The following MARCHF1 variants were observed in gnomAD, a reference collection of about 807,000 sequenced individuals.
MARCHF1 encodes E3 ubiquitin-protein ligase MARCHF1.
MARCHF1 carries 40 observed loss-of-function variants against 54.2 expected under a neutral mutation model. The observed-to-expected ratio is 0.74, with a 90% confidence interval of 0.57 to 0.96. The LOEUF (loss-of-function observed/expected upper bound fraction) is 0.96. MARCHF1 is among the 40% of genes least tolerant of loss of function. The probability of loss-of-function intolerance (pLI) is 0.00; values close to 1 mark genes in which losing one functional copy is unlikely to be tolerated. For missense variants in MARCHF1, 586 were observed against 656.5 expected, an observed-to-expected ratio of 0.89 and a Z score of 1.17; for synonymous variants, 236 against 236.3, an observed-to-expected ratio of 1.00 and a Z score of 0.01.
chr4:163,675,131 A>G (rs1290791950), intron 5 of MARCHF1, among the ~76,000 whole-genome samples: 1 of 152,236 alleles, frequency 6.6e-6, no homozygotes, highest in African/African-American at 2.4e-5. Context: ...GACAATGAGA[A>G]TATTCCAAAT....
Position 163,574,834 on chromosome 4 carries a change from T to A in MARCHF1, c.1191+10915A>T, listed in dbSNP as rs377256469. 3.1e-4 allele frequency among the ~76,000 whole-genome samples: 47 copies of A among 151,858 alleles called. 1 individual carries two copies. The East Asian group carries it at 9.0e-3, about 29-fold the overall frequency. On this transcript the variant is annotated intron_variant, in intron 8 of 9. Transcript: ENST00000514618. ...GTTCCATATGAACTTTAAAGTAGTT[T>A]TTTCCAATTCTGTGAAGAAAGTCAT...
intron 5 of MARCHF1, among the ~76,000 whole-genome samples, chr4:163,634,506 C>T (rs4593084): frequency 0.98 from 144,432 of 147,534 alleles, 70,713 homozygotes; most frequent in East Asian, 1. Flanking sequence ...AAGAAGGCCA[C>T]TACATAATGG....
intron 1 of MARCHF1, among the ~76,000 whole-genome samples, chr4:164,381,694 A>G (rs1731374904): frequency 6.6e-6 from 1 of 152,198 alleles, no homozygotes; most frequent in Admixed American, 6.5e-5. Flanking sequence ...ACACCCCATC[A>G]TGTAAGCACG....
intron 1 of MARCHF1, among the ~76,000 whole-genome samples, chr4:164,378,746 C>G (rs914430872): frequency 5.9e-5 from 9 of 152,200 alleles, no homozygotes; most frequent in Non-Finnish European, 1.2e-4. Flanking sequence ...GAGTCTCACT[C>G]TGTCACCGAG....
chr4:163,976,507 C>A (rs955985129), intron 3 of MARCHF1, among the ~76,000 whole-genome samples: 1 of 152,164 alleles, frequency 6.6e-6, no homozygotes, highest in Non-Finnish European at 1.5e-5. Flanking sequence ...TTTGACCCAA[C>A]TTCCATCAAA....
At chr4:164,265,403 T>C (rs536999400) in intron 1 of MARCHF1, among the ~76,000 whole-genome samples, 25 of 151,922 alleles carry the variant, frequency 1.6e-4, no homozygotes, top group African/African-American at 6.0e-4. Flanking sequence ...TAAGAAATTC[T>C]GCCAGTTTGG....
At chr4:163,744,087 C>A (rs1746287772) in intron 4 of MARCHF1, among the ~76,000 whole-genome samples, 1 of 152,140 alleles carries the variant, frequency 6.6e-6, no homozygotes, top group Admixed American at 6.5e-5. Flanking sequence ...AGTTTCTATT[C>A]CATTAGCAGG....
At chr4:164,249,396 A>C (rs1733057037) in intron 1 of MARCHF1, among the ~76,000 whole-genome samples, 1 of 152,082 alleles carries the variant, frequency 6.6e-6, no homozygotes, top group African/African-American at 2.4e-5. Flanking sequence ...AGGAGCATAA[A>C]TAAAGACTGA....
intron 7 of MARCHF1, among the ~76,000 whole-genome samples, chr4:163,593,846 A>G (rs1740670948): frequency 6.6e-6 from 1 of 152,228 alleles, no homozygotes; most frequent in Non-Finnish European, 1.5e-5. Flanking sequence ...CATTGAGTGA[A>G]GAATGATCAA....
chr4:163,901,695 C>T (rs1296476169), intron 3 of MARCHF1, among the ~76,000 whole-genome samples: 3 of 152,208 alleles, frequency 2.0e-5, no homozygotes, highest in South Asian at 4.1e-4. Context: ...TGACATTTCT[C>T]TTCCCAGTAG....
rs769035806 is a variant in MARCHF1, at chr4:163,994,257, A to AGTGTGTGTGTGT, written c.-247-5560_-247-5549dup. ...TATCGCTGAAGAATGATAGAGAAAAAGTGTGTGTGTGTGTGTGTGTGTGTG... is the reference window on the plus strand; with the variant it reads ...TATCGCTGAAGAATGATAGAGAAAAAGTGTGTGTGTGTGTGTGTGTGTGTGTGTGTGTGTGTG... On this transcript the variant is annotated intron_variant, in intron 2 of 9. Coordinates refer to ENST00000514618, the MANE Select transcript of MARCHF1 (RefSeq NM_001394959.1). Among the ~76,000 whole-genome samples the AGTGTGTGTGTGT allele has an allele frequency of 5.9e-3, 803 of 137,106 alleles. 4 individuals are homozygous for AGTGTGTGTGTGT. Among genetic ancestry groups the AGTGTGTGTGTGT allele is most frequent in the East Asian group, 0.025 (107 of 4,338 alleles). The allele number at this position is 137,106 out of a possible 152,430, so 89.9% of individuals were successfully genotyped here.
intron 1 of MARCHF1, among the ~76,000 whole-genome samples, chr4:164,349,560 T>C (rs898139958): frequency 6.6e-6 from 1 of 152,206 alleles, no homozygotes; most frequent in Non-Finnish European, 1.5e-5. Flanking sequence ...TCCAATATTA[T>C]AGTTTTCATG....
At chr4:163,773,181 A>T (rs918232063) in intron 4 of MARCHF1, among the ~76,000 whole-genome samples, 2 of 152,102 alleles carry the variant, frequency 1.3e-5, no homozygotes, top group African/African-American at 4.8e-5. Flanking sequence ...TAGATGTGTT[A>T]TGAAAGGCGG....
chr4:163,918,514 G>T (rs1751358658), intron 3 of MARCHF1, among the ~76,000 whole-genome samples: 2 of 152,088 alleles, frequency 1.3e-5, no homozygotes, highest in Non-Finnish European at 2.9e-5. Context: ...TTGTGGAAAT[G>T]TAGCCTATCT....
intron 2 of MARCHF1, among the ~76,000 whole-genome samples, chr4:164,039,886 C>G (rs1444994353): frequency 1.3e-5 from 2 of 150,958 alleles, no homozygotes; most frequent in African/African-American, 4.9e-5. Context: ...TATGACATTT[C>G]ACACTTACAG....
At chr4:164,343,861 GTCTCATTA>G (rs918256560) in intron 1 of MARCHF1, among the ~76,000 whole-genome samples, 7 of 152,020 alleles carry the variant, frequency 4.6e-5, no homozygotes, top group Non-Finnish European at 7.4e-5. Context: ...TGACCCAACA[GTCTCATTA>G]TTGGGTATAT....
intron 3 of MARCHF1, among the ~76,000 whole-genome samples, chr4:163,905,497 G>T (rs985589488): frequency 6.6e-6 from 1 of 151,970 alleles, no homozygotes. Flanking sequence ...ATATTTTCAA[G>T]GATATATATC....
At chr4:164,281,451 T>C (rs1251266700) in intron 1 of MARCHF1, among the ~76,000 whole-genome samples, 1 of 152,094 alleles carries the variant, frequency 6.6e-6, no homozygotes, top group African/African-American at 2.4e-5. Flanking sequence ...AGTAAAATGC[T>C]TTCCTAGGGG....
At position 164,038,591 on chromosome 4, in the gene MARCHF1, A is replaced by G. The variant is rs1754061057; in HGVS notation, c.-247-49882T>C. Reference sequence around the variant, plus strand: ...CAGGTGCTCTGTAGGCTAGAGGTGTATATCCCATGGGTGGTCCATGGTCCT... The same window carrying G: ...CAGGTGCTCTGTAGGCTAGAGGTGTGTATCCCATGGGTGGTCCATGGTCCT... On this transcript the variant is annotated intron_variant, in intron 2 of 9. Transcript: ENST00000514618. 2.0e-5 allele frequency among the ~76,000 whole-genome samples: 3 copies of G among 152,224 alleles called. No homozygotes were observed. The South Asian group carries it at 6.2e-4, about 31-fold the overall frequency.
Sources: gnomAD v4.1 joint callset for allele counts (sites outside exome capture counted in the v4.1 genomes callset) on GRCh38, gnomAD v4.1.1 for gene constraint, MANE v1.5 for transcripts, NCBI Gene and HGNC (gene_info 2026-07-23, HGNC 2026-07-21) for gene names.